Variants in YIF1A observed in about 807,000 individuals in gnomAD.
YIF1A encodes the protein Yip1 interacting factor homolog A, membrane trafficking protein, also known as protein YIF1A.
Under a neutral mutation model 32.6 loss-of-function variants are expected in YIF1A, and 28 were observed. The ratio of observed to expected loss-of-function variants is 0.86; its 90% CI spans 0.64 to 1.18. YIF1A has a LOEUF of 1.18. Ranked by LOEUF, YIF1A falls within the 50% of genes most tolerant of loss-of-function variation. YIF1A has a pLI of 0.00. For synonymous variants in YIF1A, 175 were observed against 162.2 expected (o/e 1.08, Z -0.60); for missense variants, 373 against 390.8 (o/e 0.95, Z 0.38).
rs552414502 is a variant in YIF1A at position 66,284,848 on chromosome 11, G to T, written c.735+25C>A. 7 of 1,612,824 alleles carry T rather than the reference G, an allele frequency of 4.3e-6. No individual in the cohort carries two copies. The South Asian group carries it at 6.6e-5, about 15-fold the overall frequency. Reference sequence around the variant, plus strand: ...GGTTTGCCCTCAAGTGAAGGCAGGGGAATGGGGGGGTGCACCAGACTCACA... The same window carrying T: ...GGTTTGCCCTCAAGTGAAGGCAGGGTAATGGGGGGGTGCACCAGACTCACA... On this transcript the variant is annotated intron_variant, in intron 7 of 7. Transcript: ENST00000376901.
rs1465748771 is a variant in YIF1A at position 66,288,159 on chromosome 11, A to G, written c.165T>C (p.Leu55=). 1 of 1,614,164 alleles carries G rather than the reference A, an allele frequency of 6.2e-7. No homozygotes were observed. The highest frequency in any genetic ancestry group is 1.7e-5 in the Admixed American group (1 of 60,034). ...TAGCCACATTGGCCATTGGGTCCCC[A>G]AGCAAGTGGTTGACACTGAAGGCCA... The part of the protein sequence containing the change: ...ADVAFSVNHL[L]GDPMANVAMA... Residue 55 remains leucine (L), a synonymous_variant, in exon 2 of 8, where the codon CTT becomes CTC. Transcript: ENST00000376901.
Position 66,288,117 on chromosome 11 carries a change from G to A in YIF1A, c.207C>T (p.Ser69=). Residue 69 remains serine, a synonymous_variant, in exon 2 of 8, where the codon TCC becomes TCT. Transcript: ENST00000376901. ...CCATGTCCTTCCCATGGGATGCGAT[G>A]GAGCTGCCATAGGCCATAGCCACAT... ...MANVAMAYGS[S]IASHGKDMVH... 1.2e-6 allele frequency: 2 copies of A among 1,614,022 alleles called. No homozygotes were observed.
At chr11:66,286,525 G>A (rs1857359150) in intron 4 of YIF1A, among the ~76,000 whole-genome samples, 1 of 152,224 alleles carries the variant, frequency 6.6e-6, no homozygotes, top group Non-Finnish European at 1.5e-5. Context: ...TCAGGAGACT[G>A]AGGCAGGAGG....
intron 1 of YIF1A, among the ~76,000 whole-genome samples, chr11:66,288,749 T>G (rs1857403923): frequency 6.6e-6 from 1 of 152,126 alleles, no homozygotes; most frequent in Non-Finnish European, 1.5e-5. Flanking sequence ...CGGACCCCGT[T>G]TTTGCCCGAC....
chr11:66,288,893 C>T, intron 1 of YIF1A, 62 bp downstream of exon 1: 6 of 1,426,680 alleles, frequency 4.2e-6, no homozygotes, highest in East Asian at 5.7e-5. Context: ...TCGGGGTGAG[C>T]GGGCCACGCC....
At chr11:66,284,818 G>C (rs779125095) in intron 7 of YIF1A, 35 bp from the exon 8 acceptor site, 4 of 1,611,912 alleles carry the variant, frequency 2.5e-6, no homozygotes, top group African/African-American at 2.7e-5. Flanking sequence ...TGGCCAGGAG[G>C]GGGAGGTTTG....
At position 66,284,882 on chromosome 11, in the gene YIF1A, C is replaced by G; in HGVS notation, c.726G>C (p.Met242Ile). 2 of 1,613,238 alleles carry G rather than the reference C, an allele frequency of 1.2e-6. No homozygotes were observed. Among genetic ancestry groups the G allele is most frequent in the Non-Finnish European group, 1.7e-6 (2 of 1,179,984 alleles). The change falls in exon 7 of 8, where the codon ATG becomes ATC. Residue 242 changes from methionine (M) to isoleucine (I), a missense_variant. Physicochemically the swap from Met to Ile is conservative, Grantham distance 10 (BLOSUM62 1). Transcript: ENST00000376901. ...VALAWTSSAL[M>I]YFIVRSLRTA... ...GGTGCACCAGACTCACAATGAAGTA[C>G]ATGAGCGCCGATGAGGTCCAGGCCA...
At chr11:66,288,790 G>C (rs1857404487) in intron 1 of YIF1A, among the ~76,000 whole-genome samples, 165 bp downstream of exon 1, 1 of 152,224 alleles carries the variant, frequency 6.6e-6, no homozygotes, top group African/African-American at 2.4e-5. Context: ...ACTGGGCCGA[G>C]AGGGCGAAGT....
rs1478830814 is a variant in YIF1A, at chr11:66,287,820, T to C, written c.340A>G (p.Thr114Ala). The C allele has an allele frequency of 8.1e-6, 13 of 1,613,898 alleles. No individual in the cohort carries two copies. The highest frequency in any genetic ancestry group is 1.1e-5 in the Non-Finnish European group (13 of 1,179,970). Residue 114 changes from threonine (T) to alanine (A), a missense_variant, in exon 3 of 8, where the codon ACA becomes GCA. Coordinates refer to ENST00000376901, the MANE Select transcript of YIF1A (RefSeq NM_020470.3). ...KKLGLLVFPYTHQNWEVQYSR... is the reference protein window; with the variant it reads ...KKLGLLVFPYAHQNWEVQYSR... ...CTTGGTAGGAAGCTCACCTGGTGTGTGTAGGGGAAGACCAGCAGCCCTAGC... is the reference window on the plus strand; with the variant it reads ...CTTGGTAGGAAGCTCACCTGGTGTGCGTAGGGGAAGACCAGCAGCCCTAGC...
At chr11:66,286,206 G>A (rs1277434291) in intron 4 of YIF1A, among the ~76,000 whole-genome samples, 1 of 152,244 alleles carries the variant, frequency 6.6e-6, no homozygotes. Flanking sequence ...TAGGGCTCTG[G>A]CTGCCCAACA....
Position 66,288,885 on chromosome 11 carries a change from G to T in YIF1A, c.31+70C>A, listed in dbSNP as rs569531483. ...GGCGGTCCCAGTCGCTATCTCCCTC[G>T]GGGTGAGCGGGCCACGCCGCCGACT... On this transcript the variant is annotated intron_variant, in intron 1 of 7. Coordinates refer to ENST00000376901, the MANE Select transcript of YIF1A (RefSeq NM_020470.3). The T allele has an allele frequency of 2.3e-5, 33 of 1,423,028 alleles. No individual in the cohort carries two copies. The South Asian group carries it at 4.6e-4, about 20-fold the overall frequency. The allele number at this position is 1,423,028 out of a possible 1,614,324, so 88.2% of individuals were successfully genotyped here.
In YIF1A at chr11:66,289,007, C is replaced by CG; in HGVS notation, c.-23dup. On this transcript the variant is annotated 5_prime_UTR_variant, in exon 1 of 8. Coordinates refer to ENST00000376901, the MANE Select transcript of YIF1A (RefSeq NM_020470.3). ...CCATGGCCGCGACGCTCGCTGTCCCCGAGGGCCCGCTGCGCCGCCTCGTGG... is the reference window on the plus strand; with the variant it reads ...CCATGGCCGCGACGCTCGCTGTCCCCGGAGGGCCCGCTGCGCCGCCTCGTGG... 6.3e-7 allele frequency: 1 copy of CG among 1,576,742 alleles called. No homozygotes were observed. The highest frequency in any genetic ancestry group is 8.5e-7 in the Non-Finnish European group (1 of 1,169,606).
chr11:66,287,658 T>G lies in YIF1A; in HGVS notation c.367A>C (p.Ser123Arg), dbSNP rs144207539. 3.1e-6 allele frequency: 5 copies of G among 1,612,188 alleles called. No individual in the cohort carries two copies. The highest frequency in any genetic ancestry group is 4.2e-6 in the Non-Finnish European group (5 of 1,179,108). ...YTHQNWEVQY[S>R]RDAPLPPRQD... ...CGGGGGGGCAGAGGAGCATCACGACTGTACTGCACTTCCCAGTTCTGGCAG... is the reference window on the plus strand; with the variant it reads ...CGGGGGGGCAGAGGAGCATCACGACGGTACTGCACTTCCCAGTTCTGGCAG... The change falls in exon 4 of 8, where the codon AGT (serine) becomes CGT (arginine). Residue 123 changes from serine to arginine, a missense_variant. Physicochemically the swap from Ser to Arg is moderately radical, Grantham distance 110. Transcript: ENST00000376901.
intron 4 of YIF1A, 37 bp downstream of exon 4, chr11:66,287,561 A>AC: frequency 9.6e-7 from 1 of 1,040,078 alleles, no homozygotes; most frequent in Non-Finnish European, 1.4e-6. Context: ...CCCCGACCCC[A>AC]CCCCACCACG....
At position 66,284,909 on chromosome 11, in the gene YIF1A, C is replaced by A. The variant is rs764656087; in HGVS notation, c.699G>T (p.Ala233=). ...LLFGSDGYYV[A]LAWTSSALMY... is the part of the protein sequence containing the mutation. Reference sequence around the variant, plus strand: ...TGAGCGCCGATGAGGTCCAGGCCAGCGCCACGTAGTAGCCATCGCTGCCGA... The same window carrying A: ...TGAGCGCCGATGAGGTCCAGGCCAGAGCCACGTAGTAGCCATCGCTGCCGA... The change falls in exon 7 of 8, where the codon GCG becomes GCT. Residue 233 remains alanine, a synonymous_variant. Transcript: ENST00000376901. 1 of 1,613,302 alleles carries A rather than the reference C, an allele frequency of 6.2e-7. No homozygotes were observed. The highest frequency in any genetic ancestry group is 1.1e-5 in the South Asian group (1 of 91,088).
Position 66,285,765 on chromosome 11 carries a change from A to G in YIF1A, c.428-7T>C. Reference sequence around the variant, plus strand: ...TAAGTAATGAAGGCCATCGCTGCCAAGTGCCAGAGAGATGCCATCAGCTTG... The same window carrying G: ...TAAGTAATGAAGGCCATCGCTGCCAGGTGCCAGAGAGATGCCATCAGCTTG... On this transcript the variant is annotated splice_polypyrimidine_tract_variant and splice_region_variant and intron_variant, in intron 4 of 7. Coordinates refer to ENST00000376901, the MANE Select transcript of YIF1A (RefSeq NM_020470.3). 1 of 1,612,428 alleles carries G rather than the reference A, an allele frequency of 6.2e-7. No individual in the cohort carries two copies. Among genetic ancestry groups the G allele is most frequent in the South Asian group, 1.1e-5 (1 of 91,024 alleles).
chr11:66,284,597 T>C lies in YIF1A; in HGVS notation c.*40A>G. 6.2e-7 allele frequency: 1 copy of C among 1,605,070 alleles called. No individual in the cohort carries two copies. The highest frequency in any genetic ancestry group is 8.5e-7 in the Non-Finnish European group (1 of 1,174,268). On this transcript the variant is annotated 3_prime_UTR_variant, in exon 8 of 8. Coordinates refer to ENST00000376901, the MANE Select transcript of YIF1A (RefSeq NM_020470.3). Reference sequence around the variant, plus strand: ...AGACAAAGTCAAGGAAATCAAATCTTCAATGAATGAAAAACTCAGTGCCAT... The same window carrying C: ...AGACAAAGTCAAGGAAATCAAATCTCCAATGAATGAAAAACTCAGTGCCAT...
In YIF1A at chr11:66,284,841, G is replaced by A. The variant is rs372579548; in HGVS notation, c.735+32C>T. On this transcript the variant is annotated intron_variant, in intron 7 of 7. Coordinates refer to ENST00000376901, the MANE Select transcript of YIF1A (RefSeq NM_020470.3). ...AGGGGGAGGTTTGCCCTCAAGTGAAGGCAGGGGAATGGGGGGGTGCACCAG... is the reference window on the plus strand; with the variant it reads ...AGGGGGAGGTTTGCCCTCAAGTGAAAGCAGGGGAATGGGGGGGTGCACCAG... 88 of 1,612,784 alleles carry A rather than the reference G, an allele frequency of 5.5e-5. No homozygotes were observed. The African/African-American group carries it at 1.1e-3, about 20-fold the overall frequency.
intron 1 of YIF1A, 120 bp from the exon 2 acceptor site, chr11:66,288,412 C>A (rs1254331268): frequency 5.0e-6 from 6 of 1,197,594 alleles, no homozygotes; most frequent in South Asian, 4.1e-5. Flanking sequence ...AGTGAGGGGA[C>A]CCCAAGCTGG....
Sources: gnomAD v4.1 joint callset for allele counts (sites outside exome capture counted in the v4.1 genomes callset) on GRCh38, gnomAD v4.1.1 for gene constraint, MANE v1.5 for transcripts, NCBI Gene and HGNC (gene_info 2026-07-23, HGNC 2026-07-21) for gene names.